SIAE: variants seen among roughly 807,000 people sequenced by gnomAD.
The protein encoded by SIAE is sialate O-acetylesterase.
Under a neutral mutation model 52.6 loss-of-function variants are expected in SIAE, and 39 were observed. That is an observed-to-expected ratio of 0.74 (90% CI 0.57 to 0.97). The LOEUF (loss-of-function observed/expected upper bound fraction) is 0.97, where lower values mean the gene tolerates loss of function less well. SIAE is among the 50% of genes least tolerant of loss of function. The pLI is 0.00. For missense variants in SIAE, 592 were observed against 662.1 expected (o/e 0.89, Z 1.16); for synonymous variants, 233 against 241.4 (o/e 0.97, Z 0.32).
intron 8 of SIAE, 84 bp from the exon 9 acceptor site, chr11:124,638,821 A>C (rs1942795714): frequency 1.9e-6 from 2 of 1,062,302 alleles, no homozygotes; most frequent in African/African-American, 1.6e-5. Flanking sequence ...TATACAAAGC[A>C]CCCTTTATGA....
chr11:124,662,231 C>G (rs1380793937), intron 2 of SIAE, among the ~76,000 whole-genome samples: 2 of 152,230 alleles, frequency 1.3e-5, no homozygotes, highest in Non-Finnish European at 2.9e-5. Flanking sequence ...AGAAAAATCA[C>G]TGTTTTGGAA....
At chr11:124,643,799 A>G (rs116597850) in intron 7 of SIAE, among the ~76,000 whole-genome samples, 1 of 152,180 alleles carries the variant, frequency 6.6e-6, no homozygotes, top group African/African-American at 2.4e-5. Context: ...TTTACAAACC[A>G]TGATCTAACT....
upstream of SIAE, chr11:124,673,925 C>A: frequency 1.7e-6 from 1 of 589,610 alleles, no homozygotes; most frequent in South Asian, 2.1e-5. Context: ...CAACCGGAAC[C>A]GGCGGCACCA....
intron 7 of SIAE, 62 bp from the exon 8 acceptor site, chr11:124,639,929 C>T (rs1565407936): frequency 6.4e-7 from 1 of 1,566,312 alleles, no homozygotes; most frequent in Non-Finnish European, 8.7e-7. Flanking sequence ...GTCTTTTTCA[C>T]TGGCAGACTC....
chr11:124,654,880 T>C, intron 3 of SIAE, 87 bp from the exon 4 acceptor site: 5 of 1,502,312 alleles, frequency 3.3e-6, no homozygotes, highest in East Asian at 2.3e-5. Context: ...TCTGAGCTCC[T>C]GAGCTTTCAA....
At chr11:124,643,733 A>C (rs983543627) in intron 7 of SIAE, among the ~76,000 whole-genome samples, 5 of 152,182 alleles carry the variant, frequency 3.3e-5, no homozygotes, top group African/African-American at 1.2e-4. Flanking sequence ...TTTAGATAGC[A>C]TCTTATTCTT....
At chr11:124,639,641 G>T in intron 8 of SIAE, 69 bp downstream of exon 8, 1 of 1,602,310 alleles carries the variant, frequency 6.2e-7, no homozygotes, top group Admixed American at 1.7e-5. Context: ...GCCCCTCACC[G>T]GTGAACATCA....
At position 124,636,439 on chromosome 11, in the gene SIAE, G is replaced by A. The variant is rs2134347613; in HGVS notation, c.*512C>T. The stretch of plus-strand genomic sequence containing the variant: ...TCATAGAGAGATTCAGTAACCACCT[G>A]TCAGGAATTTTGTAAAGACGTCTAC... On this transcript the variant is annotated 3_prime_UTR_variant, in exon 10 of 10. Transcript: ENST00000263593. 1 of 163,732 alleles carries A rather than the reference G, an allele frequency of 6.1e-6. No individual in the cohort carries two copies. The highest frequency in any genetic ancestry group is 2.4e-5 in the African/African-American group (1 of 41,664). 10.1% of individuals were successfully genotyped at this position (163,732 alleles called of 1,614,324 possible).
In SIAE at chr11:124,636,914, C is replaced by A. The variant is rs1942752839; in HGVS notation, c.*37G>T. On this transcript the variant is annotated 3_prime_UTR_variant, in exon 10 of 10. Coordinates refer to ENST00000263593, the MANE Select transcript of SIAE (RefSeq NM_170601.5). Reference sequence around the variant, plus strand: ...TCCTAAATGCTAAAATCTGAAGGACCCATCCTTATATCTAAGTTCTGATCA... The same window carrying A: ...TCCTAAATGCTAAAATCTGAAGGACACATCCTTATATCTAAGTTCTGATCA... 1 of 1,613,518 alleles carries A rather than the reference C, an allele frequency of 6.2e-7. No homozygotes were observed. Among genetic ancestry groups the A allele is most frequent in the African/African-American group, 1.3e-5 (1 of 74,872 alleles).
rs2134352106 is a variant in SIAE at position 124,638,753 on chromosome 11, C to T, written c.1125-16G>A. Reference sequence around the variant, plus strand: ...AGGGTGGATGCTACAGGATAAGGAACAAGTAGAGAACTTTGGGTTTAAGCT... The same window carrying T: ...AGGGTGGATGCTACAGGATAAGGAATAAGTAGAGAACTTTGGGTTTAAGCT... On this transcript the variant is annotated splice_polypyrimidine_tract_variant and intron_variant, in intron 8 of 9. Transcript: ENST00000263593. The T allele has an allele frequency of 6.2e-7, 1 of 1,611,462 alleles. No individual in the cohort carries two copies. The highest frequency in any genetic ancestry group is 1.8e-4 in the Middle Eastern group (1 of 5,536).
At chr11:124,647,556 A>G (rs1292042532) in intron 6 of SIAE, 58 bp from the exon 7 acceptor site, 4 of 1,596,778 alleles carry the variant, frequency 2.5e-6, no homozygotes, top group Non-Finnish European at 2.6e-6. Flanking sequence ...ATGACCACAC[A>G]TTACTCTCCT....
At chr11:124,661,584 C>A (rs770306528) in intron 2 of SIAE, among the ~76,000 whole-genome samples, 3 of 152,256 alleles carry the variant, frequency 2.0e-5, no homozygotes, top group Middle Eastern at 3.4e-3. Context: ...CATCACTCAC[C>A]AGACCACCCC....
chr11:124,673,749 G>A, upstream of SIAE: 6 of 1,605,414 alleles, frequency 3.7e-6, no homozygotes, highest in Non-Finnish European at 5.1e-6. Context: ...TGGGAAAGTG[G>A]GTTCCCGGCA....
At position 124,647,443 on chromosome 11, in the gene SIAE, G is replaced by A; in HGVS notation, c.888C>T (p.Leu296=). ...GGAAGGTTTCACGCCAGTCTTCGAT[G>A]AGTGCAGGGAATGTGCAATTGTACA... ...TDLYNCTFPA[L]IEDWRETFHR... Residue 296 remains leucine (L), a synonymous_variant, in exon 7 of 10, where the codon CTC becomes CTT. Transcript: ENST00000263593. 1 of 1,614,208 alleles carries A rather than the reference G, an allele frequency of 6.2e-7. No homozygotes were observed. Among genetic ancestry groups the A allele is most frequent in the Non-Finnish European group, 8.5e-7 (1 of 1,180,034 alleles).
rs1942923252 is a variant in SIAE at position 124,645,814 on chromosome 11, A to C, written c.966+1551T>G. 1.3e-5 allele frequency among the ~76,000 whole-genome samples: 2 copies of C among 152,204 alleles called. No homozygotes were observed. The highest frequency in any genetic ancestry group is 4.8e-5 in the African/African-American group (2 of 41,444). ...CTACTTTGAAAATAATGAGCAGAAT[A>C]ATCTTATTTCAAAGTCAGAACAAAT... On this transcript the variant is annotated intron_variant, in intron 7 of 9. Transcript: ENST00000263593. This position sits in a 1 kb window ranked among gnomAD's most constrained non-coding sequence, Gnocchi z 4.7.
rs990024076 is a variant in SIAE at position 124,638,448 on chromosome 11, C to T, written c.1320+94G>A. ...CAGCCCCCAACCAACCAAGACCCGC[C>T]ACATCGTAATAACAAAAGAGATGGC... On this transcript the variant is annotated intron_variant, in intron 9 of 9. Transcript: ENST00000263593. 54 of 1,381,682 alleles carry T rather than the reference C, an allele frequency of 3.9e-5. No homozygotes were observed. In the Middle Eastern group the frequency reaches 7.1e-4, roughly 18 times the overall value. The allele number at this position is 1,381,682 out of a possible 1,614,324, so 85.6% of individuals were successfully genotyped here. A position where few individuals can be genotyped will look rare whatever the true frequency, so the allele number is the denominator to read the frequency against.
intron 1 of SIAE, among the ~76,000 whole-genome samples, chr11:124,671,585 G>A (rs1210724870): frequency 6.6e-6 from 1 of 151,786 alleles, no homozygotes. Flanking sequence ...GCAAATCAAA[G>A]AAAAAATCAT....
intron 2 of SIAE, among the ~76,000 whole-genome samples, chr11:124,665,480 C>G (rs912236640): frequency 9.2e-5 from 14 of 152,302 alleles, no homozygotes; most frequent in East Asian, 3.9e-4. Context: ...ACTCCCTACT[C>G]GCACCTCCAG....
At chr11:124,647,886 G>A (rs185400031) in intron 6 of SIAE, among the ~76,000 whole-genome samples, 180 bp downstream of exon 6, 1 of 152,212 alleles carries the variant, frequency 6.6e-6, no homozygotes, top group Admixed American at 6.5e-5. Context: ...ACACATAAGA[G>A]GTCCCAGCAG....
Sources: allele counts gnomAD v4.1 joint callset (sites outside exome capture counted in the v4.1 genomes callset), GRCh38; gene constraint gnomAD v4.1.1; non-coding constraint Gnocchi (gnomAD v3.1); transcripts MANE v1.5; gene names NCBI Gene and HGNC (gene_info 2026-07-23, HGNC 2026-07-21).